Variants in ANK2 observed in about 807,000 individuals in gnomAD.
ANK2 encodes the protein ankyrin 2.
Under a neutral mutation model 360.5 loss-of-function variants are expected in ANK2, and 83 were observed. The ratio of observed to expected loss-of-function variants is 0.23; its 90% confidence interval spans 0.19 to 0.28. The LOEUF (loss-of-function observed/expected upper bound fraction) is 0.28, where lower values mean the gene tolerates loss of function less well. ANK2 is among the 10% of genes least tolerant of loss of function. ANK2 has a pLI of 1.00. For synonymous variants in ANK2, 1,740 were observed against 1,759.5 expected (o/e 0.99, Z 0.28); for missense variants, 4,201 against 4,795.7 (o/e 0.88, Z 3.66).
At chr4:112,766,221 A>G in the ANK2 span, among the ~76,000 whole-genome samples, 1 of 151,856 alleles carries the variant, frequency 6.6e-6, no homozygotes, top group Non-Finnish European at 1.5e-5. Flanking sequence ...AGTCCCAGCT[A>G]CTTGGGAGGC....
intron 23 of ANK2, among the ~76,000 whole-genome samples, chr4:113,304,601 GA>G (rs2076390535): frequency 6.6e-6 from 1 of 152,066 alleles, no homozygotes; most frequent in Non-Finnish European, 1.5e-5. Flanking sequence ...TAAATTTAGA[GA>G]AAAGTAATTC....
intron 2 of ANK2, among the ~76,000 whole-genome samples, chr4:112,993,366 G>A (rs1461086594): frequency 2.0e-5 from 3 of 152,062 alleles, no homozygotes; most frequent in South Asian, 4.2e-4. Context: ...GCAGTGGCGC[G>A]ATCTTGGCTC....
chr4:112,788,164 G>T, the ANK2 span: 2 of 1,582,850 alleles, frequency 1.3e-6, no homozygotes, highest in Non-Finnish European at 1.7e-6. Context: ...GACCCAGGAT[G>T]TTGCCACCCC....
intron 1 of ANK2, chr4:113,070,199 A>G (rs2077056194): frequency 6.6e-6 from 1 of 152,198 alleles, no homozygotes; most frequent in African/African-American, 2.4e-5. Context: ...TTAAATTAAA[A>G]TGTAGCTTCC....
chr4:112,848,559 C>A (rs2063880581), intron 1 of ANK2, among the ~76,000 whole-genome samples: 2 of 152,322 alleles, frequency 1.3e-5, no homozygotes, highest in Middle Eastern at 3.4e-3. Flanking sequence ...AACGTCACTT[C>A]TACTCTGTAA....
At chr4:112,964,732 G>A (rs1246542996) in intron 2 of ANK2, among the ~76,000 whole-genome samples, 2 of 151,938 alleles carry the variant, frequency 1.3e-5, no homozygotes, top group Non-Finnish European at 2.9e-5. Flanking sequence ...ACCACGCCTG[G>A]CTAATTTTTT....
intron 2 of ANK2, among the ~76,000 whole-genome samples, chr4:112,935,159 G>A (rs2093628217): frequency 6.6e-6 from 1 of 151,632 alleles, no homozygotes. Flanking sequence ...GGTGCAGTTG[G>A]GTGCTAGAAC....
rs1262046986 is a variant in ANK2 at position 113,317,776 on chromosome 4, G to C, written c.2763G>C (p.Val921=). 6 of 1,613,986 alleles carry C rather than the reference G, an allele frequency of 3.7e-6. No homozygotes were observed. In the Admixed American group the frequency reaches 5.0e-5, roughly 13 times the overall value. Residue 921 remains valine (V), a synonymous_variant, in exon 25 of 46, where the codon GTG becomes GTC. Coordinates refer to ENST00000357077, the MANE Select transcript of ANK2 (RefSeq NM_001148.6). Reference sequence around the variant, plus strand: ...CCTCCTACCTGAGGGACAGTGCCGTGATGGATGACTCAGTTGTGATTCCCA... The same window carrying C: ...CCTCCTACCTGAGGGACAGTGCCGTCATGGATGACTCAGTTGTGATTCCCA... The part of the protein sequence containing the change: ...SHASYLRDSA[V]MDDSVVIPSH...
At chr4:113,253,921 T>A (rs2047866240) in intron 10 of ANK2, among the ~76,000 whole-genome samples, 1 of 152,148 alleles carries the variant, frequency 6.6e-6, no homozygotes, top group African/African-American at 2.4e-5. Flanking sequence ...TTTGAATTCC[T>A]CCCCTTATCC....
chr4:113,292,827 C>T (rs1587417639), intron 21 of ANK2, among the ~76,000 whole-genome samples: 1 of 152,138 alleles, frequency 6.6e-6, no homozygotes, highest in Admixed American at 6.5e-5. Context: ...GACCCCCCCT[C>T]GCCTTCTTAA....
chr4:113,005,676 G>A (rs2052586470), intron 2 of ANK2, among the ~76,000 whole-genome samples: 1 of 152,140 alleles, frequency 6.6e-6, no homozygotes, highest in Admixed American at 6.6e-5. Flanking sequence ...TTTGATAGTA[G>A]ACTAGGGTAA....
chr4:113,245,765 A>G (rs2042514864), intron 9 of ANK2, among the ~76,000 whole-genome samples: 1 of 152,198 alleles, frequency 6.6e-6, no homozygotes, highest in South Asian at 2.1e-4. Flanking sequence ...TTTGGTTTTG[A>G]CTATATTTTT....
intron 17 of ANK2, among the ~76,000 whole-genome samples, chr4:113,281,680 C>T (rs1236726467): frequency 5.9e-5 from 9 of 152,118 alleles, no homozygotes; most frequent in East Asian, 1.9e-4. Flanking sequence ...AAAATTCTAC[C>T]GGATTTGATA....
chr4:113,192,733 A>G (rs527998128), intron 2 of ANK2, among the ~76,000 whole-genome samples: 78 of 152,228 alleles, frequency 5.1e-4, no homozygotes, highest in Non-Finnish European at 9.8e-4. Context: ...AAAATATAAT[A>G]GTGATTCCTA....
chr4:112,982,184 AT>A (rs772234499), intron 2 of ANK2, among the ~76,000 whole-genome samples: 7 of 151,882 alleles, frequency 4.6e-5, no homozygotes, highest in African/African-American at 1.2e-4. Flanking sequence ...AAGAAGAAAA[AT>A]TTTTTTTTAA....
chr4:113,154,948 A>C (rs1562469038), intron 1 of ANK2, among the ~76,000 whole-genome samples: 2 of 152,252 alleles, frequency 1.3e-5, no homozygotes, highest in Admixed American at 6.5e-5. Context: ...TAACCACTTC[A>C]TCTGGCATTG....
intron 2 of ANK2, among the ~76,000 whole-genome samples, chr4:112,956,874 G>T (rs2095354231): frequency 6.6e-6 from 1 of 152,082 alleles, no homozygotes; most frequent in Non-Finnish European, 1.5e-5. Flanking sequence ...GATGTTAAGT[G>T]TTCTGGGTAT....
chr4:113,323,760 C>T (rs1466064894), intron 26 of ANK2: 10 of 1,611,444 alleles, frequency 6.2e-6, no homozygotes, highest in Middle Eastern at 3.3e-4. Context: ...CTGTTGCAGC[C>T]GCGCCTCTCC....
chr4:112,966,435 C>A (rs995583696), intron 2 of ANK2, among the ~76,000 whole-genome samples: 2 of 151,630 alleles, frequency 1.3e-5, no homozygotes, highest in Non-Finnish European at 2.9e-5. Context: ...GTTTTTCTTT[C>A]CAGTTCTTTT....
Sources: allele counts gnomAD v4.1 joint callset (sites outside exome capture counted in the v4.1 genomes callset), GRCh38; gene constraint gnomAD v4.1.1; transcripts MANE v1.5; gene names NCBI Gene and HGNC (gene_info 2026-07-23, HGNC 2026-07-21).